The following RBPJ variants were observed in gnomAD, a reference collection of about 807,000 sequenced individuals.
RBPJ encodes the protein recombination signal binding protein for immunoglobulin kappa J region.
In RBPJ, 9 loss-of-function variants were observed where a neutral mutation model predicts 67.8. The observed-to-expected ratio is 0.13, with a 90% confidence interval of 0.08 to 0.23. The LOEUF is 0.23. Among genes scored for constraint, RBPJ ranks in the 10% least tolerant of loss-of-function variants. The pLI is 1.00. For synonymous variants in RBPJ, 198 were observed against 203.3 expected (o/e 0.97, Z 0.22); for missense variants, 305 against 595.6 (o/e 0.51, Z 5.08).
chr4:26,106,132 G>A, the RBPJ span, among the ~76,000 whole-genome samples: 3 of 152,240 alleles, frequency 2.0e-5, no homozygotes, highest in Non-Finnish European at 2.9e-5. Flanking sequence ...AGCCACTGAA[G>A]AGCAGAGATA....
intron 1 of RBPJ, among the ~76,000 whole-genome samples, chr4:26,266,017 G>C (rs1720693273): frequency 6.6e-6 from 1 of 151,252 alleles, no homozygotes; most frequent in South Asian, 2.1e-4. Flanking sequence ...GAGCAACAGA[G>C]CAAGACTGTA....
At chr4:26,189,779 A>T (rs115874091) in intron 1 of RBPJ, among the ~76,000 whole-genome samples, 1 of 152,264 alleles carries the variant, frequency 6.6e-6, no homozygotes, top group African/African-American at 2.4e-5. Context: ...TGTAGGTTTT[A>T]TCATGGAAAT....
chr4:26,395,018 C>T (rs963071606), intron 2 of RBPJ, among the ~76,000 whole-genome samples: 13 of 152,338 alleles, frequency 8.5e-5, no homozygotes, highest in Admixed American at 2.6e-4. Flanking sequence ...CTTCTGTTAG[C>T]CTCCCTGCCA....
chr4:26,319,542 C>A, upstream of RBPJ: 1 of 289,510 alleles, frequency 3.5e-6, no homozygotes, highest in Non-Finnish European at 6.6e-6. Flanking sequence ...CGGAGCTGGT[C>A]TAGGCAAACA....
Position 26,406,276 on chromosome 4 carries a change from A to C in RBPJ, c.155+6A>C. ...TCATATGGAAATGAAAAAAGGTAAG[A>C]TTATTTTTCTGGTGGATAGTTAATT... On this transcript the variant is annotated splice_donor_region_variant and intron_variant, in intron 3 of 10. Coordinates refer to ENST00000355476, the MANE Select transcript of RBPJ (RefSeq NM_015874.6). 2.6e-6 allele frequency: 4 copies of C among 1,568,350 alleles called. No homozygotes were observed. Among genetic ancestry groups the C allele is most frequent in the Non-Finnish European group, 3.5e-6 (4 of 1,140,234 alleles).
chr4:26,297,727 A>G (rs1310879156), intron 1 of RBPJ, among the ~76,000 whole-genome samples: 2 of 152,122 alleles, frequency 1.3e-5, no homozygotes, highest in African/African-American at 2.4e-5. Flanking sequence ...AAGAAAAAAG[A>G]AAATTTTTAT....
intron 1 of RBPJ, among the ~76,000 whole-genome samples, chr4:26,222,019 G>A (rs1389457023): frequency 6.6e-6 from 1 of 152,086 alleles, no homozygotes; most frequent in African/African-American, 2.4e-5. Context: ...AGACACCTCC[G>A]GTTTATGGGT....
chr4:26,402,722 C>G (rs923505244), intron 2 of RBPJ, among the ~76,000 whole-genome samples: 2 of 152,202 alleles, frequency 1.3e-5, no homozygotes, highest in East Asian at 3.8e-4. Context: ...TCTTGACTCT[C>G]CTGTCAATGT....
intron 1 of RBPJ, among the ~76,000 whole-genome samples, chr4:26,260,831 T>G (rs1720505711): frequency 6.6e-6 from 1 of 152,162 alleles, no homozygotes; most frequent in Non-Finnish European, 1.5e-5. Context: ...CTCCTTCCTC[T>G]GAACTCACTG....
At chr4:26,276,230 G>A (rs1721077014) in intron 1 of RBPJ, among the ~76,000 whole-genome samples, 1 of 148,266 alleles carries the variant, frequency 6.7e-6, no homozygotes, top group Non-Finnish European at 1.5e-5. Context: ...GGCCAAGATT[G>A]TGCATGCAAT....
intron 1 of RBPJ, among the ~76,000 whole-genome samples, chr4:26,166,597 C>G (rs1716313438): frequency 6.6e-6 from 1 of 151,714 alleles, no homozygotes; most frequent in African/African-American, 2.4e-5. Context: ...TGTTTGAGTT[C>G]ATTGTAGATT....
chr4:26,253,892 C>T (rs1379035952), intron 1 of RBPJ, among the ~76,000 whole-genome samples: 2 of 148,924 alleles, frequency 1.3e-5, no homozygotes, highest in South Asian at 2.1e-4. Flanking sequence ...TCACTCTCTC[C>T]GTTTACAAAT....
chr4:26,369,337 A>G (rs1005072790), intron 1 of RBPJ, among the ~76,000 whole-genome samples: 1 of 152,260 alleles, frequency 6.6e-6, no homozygotes, highest in African/African-American at 2.4e-5. Context: ...TGTTATGCTA[A>G]CAATGAATCA....
At chr4:26,366,757 T>C (rs370763260) in intron 1 of RBPJ, among the ~76,000 whole-genome samples, 1 of 151,932 alleles carries the variant, frequency 6.6e-6, no homozygotes, top group East Asian at 1.9e-4. Context: ...ACATAGGAAA[T>C]TTACAATACA....
At position 26,187,065 on chromosome 4, in the gene RBPJ, A is replaced by G. The variant is rs765620645; in HGVS notation, c.-167+23451A>G. Among the ~76,000 whole-genome samples, 23 of 151,988 alleles carry G rather than the reference A, an allele frequency of 1.5e-4. 1 individual carries two copies. The highest frequency in any genetic ancestry group is 1.9e-4 in the African/African-American group (8 of 41,356). ...CCAAAACCCCACCTCTACAAAACAC[A>G]CAAAAAATTAGCTGGGTGTGGTGTT... On this transcript the variant is annotated intron_variant, in intron 1 of 4. Coordinates refer to the RBPJ transcript ENST00000512351.
At chr4:26,216,723 G>A (rs574968466) in intron 1 of RBPJ, among the ~76,000 whole-genome samples, 1 of 152,226 alleles carries the variant, frequency 6.6e-6, no homozygotes, top group East Asian at 1.9e-4. Context: ...GGGAGTTTGC[G>A]AGCAACCTAG....
chr4:26,363,869 T>C (rs892625523), intron 1 of RBPJ, among the ~76,000 whole-genome samples: 1 of 152,256 alleles, frequency 6.6e-6, no homozygotes, highest in Non-Finnish European at 1.5e-5. Flanking sequence ...AATTCTAGTC[T>C]TCGTAATACC....
At chr4:26,376,423 A>G (rs536438377) in intron 1 of RBPJ, among the ~76,000 whole-genome samples, 1 of 152,338 alleles carries the variant, frequency 6.6e-6, no homozygotes, top group South Asian at 2.1e-4. Context: ...CATGTCTTCA[A>G]GGTTTATTCA....
At chr4:26,287,727 C>T (rs1008112623) in intron 1 of RBPJ, among the ~76,000 whole-genome samples, 1 of 131,774 alleles carries the variant, frequency 7.6e-6, no homozygotes, top group South Asian at 2.4e-4. Flanking sequence ...AAGAAGAAAA[C>T]GAGAAAGGGA....
Sources: allele counts gnomAD v4.1 joint callset (sites outside exome capture counted in the v4.1 genomes callset), GRCh38; gene constraint gnomAD v4.1.1; transcripts MANE v1.5; gene names NCBI Gene and HGNC (gene_info 2026-07-23, HGNC 2026-07-21).